Variants in ONECUT3 observed in about 807,000 individuals in gnomAD.
ONECUT3 encodes the protein one cut homeobox 3, also known as one cut domain family member 3.
In ONECUT3, 11 loss-of-function variants were observed where a neutral mutation model predicts 16.8. That is an observed-to-expected ratio of 0.66 (90% CI 0.41 to 1.09). The LOEUF (loss-of-function observed/expected upper bound fraction) is 1.09. ONECUT3 is among the 50% of genes least tolerant of loss of function. ONECUT3 has a pLI of 0.00. For synonymous variants in ONECUT3, 344 were observed against 310.7 expected (o/e 1.11, Z -1.13); for missense variants, 637 against 629.9 (o/e 1.01, Z -0.12).
intron 1 of ONECUT3, among the ~76,000 whole-genome samples, chr19:1,767,522 C>T (rs1366969377): frequency 6.6e-6 from 1 of 152,178 alleles, no homozygotes; most frequent in Non-Finnish European, 1.5e-5. Context: ...CGCCTTCATC[C>T]GGAACTTGAG....
chr19:1,764,798 C>CG lies in ONECUT3; in HGVS notation c.1192+9953dup, dbSNP rs370113974. 0.15 allele frequency among the ~76,000 whole-genome samples: 14,029 copies of CG among 96,034 alleles called. 1,207 individuals carry two copies. Among genetic ancestry groups the CG allele is most frequent in the African/African-American group, 0.3 (8,185 of 27,176 alleles). 63.0% of individuals were successfully genotyped at this position (96,034 alleles called of 152,430 possible). ...CACTGACTCGAGTCTGGAGAGGCCA[C>CG]GGGGGGGGGATGCGCAGGGGGGACA... is the stretch of plus-strand genomic sequence containing the variant. On this transcript the variant is annotated intron_variant, in intron 1 of 1. Transcript: ENST00000382349. This position sits in a 1 kb window ranked among gnomAD's most constrained non-coding sequence, Gnocchi z 5.0.
chr19:1,754,340 C>T lies in ONECUT3; in HGVS notation c.678C>T (p.Ala226=). The change falls in exon 1 of 2, where the codon GCC becomes GCT. Residue 226 remains alanine, a synonymous_variant. Transcript: ENST00000382349. The surrounding 1 kb of genome is among the most constrained non-coding windows in gnomAD (Gnocchi z 7.4). The part of the protein sequence containing the change: ...PPPPPPPPPL[A]AYGPPGHLAG... Reference sequence around the variant, plus strand: ...CGCCGCCACCACCCCCGCCGCTGGCCGCCTACGGCCCGCCAGGCCACCTGG... The same window carrying T: ...CGCCGCCACCACCCCCGCCGCTGGCTGCCTACGGCCCGCCAGGCCACCTGG... The T allele has an allele frequency of 9.4e-7, 1 of 1,066,840 alleles. No homozygotes were observed. Among genetic ancestry groups the T allele is most frequent in the Non-Finnish European group, 1.1e-6 (1 of 884,284 alleles). The allele number at this position is 1,066,840 out of a possible 1,614,324, so 66.1% of individuals were successfully genotyped here.
In ONECUT3 at chr19:1,775,354, C is replaced by T; in HGVS notation, c.1394C>T (p.Ala465Val). The T allele has an allele frequency of 1.3e-6, 2 of 1,508,370 alleles. No homozygotes were observed. The highest frequency in any genetic ancestry group is 1.8e-6 in the Non-Finnish European group (2 of 1,122,058). The allele number at this position is 1,508,370 out of a possible 1,614,324, so 93.4% of individuals were successfully genotyped here. ...ACCGTCAGCAACTTCTTCATGAACG[C>T]GCGGCGCCGCTGCATGAACCGCTGG... ...LNTVSNFFMNARRRCMNRWAE... is the reference protein window; with the variant it reads ...LNTVSNFFMNVRRRCMNRWAE... Residue 465 changes from alanine to valine, a missense_variant, in exon 2 of 2, where the codon GCG becomes GTG. Physicochemically the swap from Ala to Val is moderately conservative, Grantham distance 64. This residue lies in a region of ONECUT3 where 183 missense variants were observed against 188.3 expected (regional missense o/e 0.97). Transcript: ENST00000382349.
At chr19:1,763,545 CA>C (rs112683213) in intron 1 of ONECUT3, among the ~76,000 whole-genome samples, 1 of 151,508 alleles carries the variant, frequency 6.6e-6, no homozygotes, top group Admixed American at 6.6e-5. Context: ...GACCCTGTCT[CA>C]AAAAATGATA....
At chr19:1,769,406 G>A (rs1322890748) in intron 1 of ONECUT3, among the ~76,000 whole-genome samples, 1 of 152,038 alleles carries the variant, frequency 6.6e-6, no homozygotes, top group Non-Finnish European at 1.5e-5. Context: ...GGCAATGGTG[G>A]GCCCTGGCAG....
At chr19:1,775,085 C>A in intron 1 of ONECUT3, 68 bp from the exon 2 acceptor site, 2 of 1,104,914 alleles carry the variant, frequency 1.8e-6, no homozygotes, top group Non-Finnish European at 1.2e-6. Context: ...GCGCCTCCTG[C>A]CTCTCCCCGG....
rs2067911469 is a variant in ONECUT3 at position 1,755,409 on chromosome 19, C to A, written c.1192+555C>A. Among the ~76,000 whole-genome samples the A allele has an allele frequency of 6.6e-6, 1 of 152,020 alleles. No individual in the cohort carries two copies. Among genetic ancestry groups the A allele is most frequent in the South Asian group, 2.1e-4 (1 of 4,818 alleles). On this transcript the variant is annotated intron_variant, in intron 1 of 1. Transcript: ENST00000382349. This position sits in a 1 kb window ranked among gnomAD's most constrained non-coding sequence, Gnocchi z 7.5. ...GCTCATCCCCCCACCTGCCCCAGCG[C>A]GCGCTTCTTTGTAGTTCGGCCCCGC...
Position 1,754,750 on chromosome 19 carries a change from C to A in ONECUT3, c.1088C>A (p.Pro363His). ...ACGCTCTCCGACCTGCTGCGCAACC[C>A]CAAGCCGTGGAGCAAGCTCAAATCC... ...QGTLSDLLRNPKPWSKLKSGR... is the reference protein window; with the variant it reads ...QGTLSDLLRNHKPWSKLKSGR... The change falls in exon 1 of 2, where the codon CCC becomes CAC. Residue 363 changes from proline (P) to histidine (H), a missense_variant. Physicochemically the swap from Pro to His is moderately conservative, Grantham distance 77. Transcript: ENST00000382349. This position sits in a 1 kb window ranked among gnomAD's most constrained non-coding sequence, Gnocchi z 7.4. The A allele has an allele frequency of 6.4e-7, 1 of 1,567,960 alleles. No homozygotes were observed. The highest frequency in any genetic ancestry group is 8.6e-7 in the Non-Finnish European group (1 of 1,159,664).
chr19:1,769,665 T>G (rs749900148), intron 1 of ONECUT3, among the ~76,000 whole-genome samples: 2 of 151,740 alleles, frequency 1.3e-5, no homozygotes, highest in Non-Finnish European at 2.9e-5. Flanking sequence ...AGAGGGGGCA[T>G]CCAGGCGGCC....
rs1326100516 is a variant in ONECUT3, at chr19:1,766,317, G to A, written c.1193-8836G>A. On this transcript the variant is annotated intron_variant, in intron 1 of 1. Coordinates refer to ENST00000382349, the MANE Select transcript of ONECUT3 (RefSeq NM_001080488.2). The surrounding 1 kb of genome is among the most constrained non-coding windows in gnomAD (Gnocchi z 4.0). ...CACCCTCAGCCCGCACGCGGCCAAC[G>A]TCAGGCGCGCGCAGAGGCACCCACG... is the stretch of plus-strand genomic sequence containing the variant. 1.3e-5 allele frequency among the ~76,000 whole-genome samples: 2 copies of A among 152,186 alleles called. No homozygotes were observed. Among genetic ancestry groups the A allele is most frequent in the African/African-American group, 2.4e-5 (1 of 41,444 alleles).
Position 1,778,018 on chromosome 19 carries a change from A to AC in ONECUT3, c.*2574dup, listed in dbSNP as rs1568605772. ...CTCAAAAAAAAAAAAAAAAAAAAAA[A>AC]CTTTAGGTCCAAGAAGATGCACCCC... On this transcript the variant is annotated 3_prime_UTR_variant, in exon 2 of 2. Transcript: ENST00000382349. 3.4e-5 allele frequency: 5 copies of AC among 146,512 alleles called. No individual in the cohort carries two copies. The highest frequency in any genetic ancestry group is 1.4e-4 in the Admixed American group (2 of 14,766). 9.1% of individuals were successfully genotyped at this position (146,512 alleles called of 1,614,324 possible). A position where few individuals can be genotyped will look rare whatever the true frequency, so the allele number is the denominator to read the frequency against.
In ONECUT3 at chr19:1,777,725, TG is replaced by T. The variant is rs2068123256; in HGVS notation, c.*2282del. 1 of 152,080 alleles carries T rather than the reference TG, an allele frequency of 6.6e-6. No individual in the cohort carries two copies. The highest frequency in any genetic ancestry group is 2.4e-5 in the African/African-American group (1 of 41,404). The allele number at this position is 152,080 out of a possible 1,614,324, so 9.4% of individuals were successfully genotyped here. ...AAGCTTTAGGTCTTGCCGGGCGCGG[TG>T]GTTCACGCCTGGAATCCCAGCATTT... On this transcript the variant is annotated 3_prime_UTR_variant, in exon 2 of 2. Transcript: ENST00000382349.
At position 1,775,546 on chromosome 19, in the gene ONECUT3, G is replaced by C. The variant is rs571153490; in HGVS notation, c.*101G>C. 2.1e-4 allele frequency: 258 copies of C among 1,224,890 alleles called. 1 individual carries two copies. In the African/African-American group the frequency reaches 3.9e-3, roughly 19 times the overall value. The allele number at this position is 1,224,890 out of a possible 1,614,324, so 75.9% of individuals were successfully genotyped here. On this transcript the variant is annotated 3_prime_UTR_variant, in exon 2 of 2. Transcript: ENST00000382349. Reference sequence around the variant, plus strand: ...CGGCCCGGAGACCCGCCCCCAGGGGGCACCTGGAGGGGGTGCTATCCGGGC... The same window carrying C: ...CGGCCCGGAGACCCGCCCCCAGGGGCCACCTGGAGGGGGTGCTATCCGGGC...
chr19:1,780,073 C>G lies in ONECUT3; in HGVS notation c.*4628C>G, dbSNP rs1427372695. The G allele has an allele frequency of 6.6e-6, 1 of 151,814 alleles. No individual in the cohort carries two copies. Among genetic ancestry groups the G allele is most frequent in the East Asian group, 1.9e-4 (1 of 5,150 alleles). 9.4% of individuals were successfully genotyped at this position (151,814 alleles called of 1,614,324 possible). On this transcript the variant is annotated 3_prime_UTR_variant, in exon 2 of 2. Coordinates refer to ENST00000382349, the MANE Select transcript of ONECUT3 (RefSeq NM_001080488.2). ...AGAGGAGACAGACAATCAGCCTATT[C>G]TTGTCTTGTTGCCCAGGGTGGTGGG...
intron 1 of ONECUT3, among the ~76,000 whole-genome samples, chr19:1,761,836 C>T (rs1350919634): frequency 1.3e-5 from 2 of 152,194 alleles, no homozygotes; most frequent in African/African-American, 4.8e-5. Flanking sequence ...GCTGAGAAAC[C>T]GGCACCCCTC....
At chr19:1,756,102 C>T (rs763663381) in intron 1 of ONECUT3, among the ~76,000 whole-genome samples, 1 of 152,138 alleles carries the variant, frequency 6.6e-6, no homozygotes, top group Non-Finnish European at 1.5e-5. Context: ...CCAGGCAGCC[C>T]GTCCAGGCAG....
chr19:1,754,520 G>T lies in ONECUT3; in HGVS notation c.858G>T (p.Pro286=). 1.0e-6 allele frequency: 1 copy of T among 980,000 alleles called. No individual in the cohort carries two copies. The highest frequency in any genetic ancestry group is 1.2e-6 in the Non-Finnish European group (1 of 827,864). The allele number at this position is 980,000 out of a possible 1,614,324, so 60.7% of individuals were successfully genotyped here. ...GGAGCGCCGCGGGGCTGCTGGCGCC[G>T]CTGGGCGGGCTGGCGGCGGCCGGGG... ...GSGSAAGLLA[P]LGGLAAAGAH... The change falls in exon 1 of 2, where the codon CCG becomes CCT. Residue 286 remains proline (P), a synonymous_variant. Coordinates refer to ENST00000382349, the MANE Select transcript of ONECUT3 (RefSeq NM_001080488.2). This position sits in a 1 kb window ranked among gnomAD's most constrained non-coding sequence, Gnocchi z 7.4.
Position 1,758,263 on chromosome 19 carries a change from A to G in ONECUT3, c.1192+3409A>G, listed in dbSNP as rs977834237. Among the ~76,000 whole-genome samples the G allele has an allele frequency of 2.0e-5, 3 of 150,726 alleles. No individual in the cohort carries two copies. The highest frequency in any genetic ancestry group is 6.6e-5 in the Admixed American group (1 of 15,112). On this transcript the variant is annotated intron_variant, in intron 1 of 1. Transcript: ENST00000382349. This position sits in a 1 kb window ranked among gnomAD's most constrained non-coding sequence, Gnocchi z 5.9. ...GAGAAAAAGAAGCCCAGAAAGGAAC[A>G]GAGGTGAAGGAGAGACGAAAAGAGA...
chr19:1,765,012 A>G (rs1172522989), intron 1 of ONECUT3, among the ~76,000 whole-genome samples: 1 of 152,110 alleles, frequency 6.6e-6, no homozygotes, highest in Non-Finnish European at 1.5e-5. Flanking sequence ...TCCAGGACAC[A>G]GGGAGGACGG....
Sources: allele counts gnomAD v4.1 joint callset (sites outside exome capture counted in the v4.1 genomes callset), GRCh38; gene constraint gnomAD v4.1.1; regional missense constraint gnomAD v4.1.1; non-coding constraint Gnocchi (gnomAD v3.1); transcripts MANE v1.5; gene names NCBI Gene and HGNC (gene_info 2026-07-23, HGNC 2026-07-21).